PARD3B: variants seen among roughly 807,000 people sequenced by gnomAD.
The protein encoded by PARD3B is par-3 family cell polarity regulator beta, also known as partitioning defective 3 homolog B.
PARD3B carries 103 observed loss-of-function variants against 130.2 expected under a neutral mutation model. That is an observed-to-expected ratio of 0.79 (90% CI 0.67 to 0.93). The LOEUF (loss-of-function observed/expected upper bound fraction) is 0.93. Among genes scored for constraint, PARD3B ranks in the 40% least tolerant of loss-of-function variants. PARD3B has a pLI of 0.00. For synonymous variants in PARD3B, 583 were observed against 553.2 expected, an observed-to-expected ratio of 1.05 and a Z score of -0.76; for missense variants, 1,609 against 1,499.2, an observed-to-expected ratio of 1.07 and a Z score of -1.21.
At chr2:205,508,761 T>A (rs1185810999) in intron 21 of PARD3B, among the ~76,000 whole-genome samples, 1 of 151,916 alleles carries the variant, frequency 6.6e-6, no homozygotes. Context: ...TTGGAAGCAA[T>A]ACCAAGGCAG....
intron 20 of PARD3B, among the ~76,000 whole-genome samples, chr2:205,451,758 A>G (rs1404293268): frequency 1.3e-5 from 2 of 151,820 alleles, no homozygotes; most frequent in African/African-American, 4.8e-5. Context: ...ACAATGCATA[A>G]TAATCACATC....
intron 18 of PARD3B, among the ~76,000 whole-genome samples, chr2:205,391,091 A>G (rs146934101): frequency 0.01 from 1,537 of 152,334 alleles, 11 homozygotes; most frequent in Middle Eastern, 0.024. Context: ...GCTGGGGCCA[A>G]CTGGGCCTGG....
At chr2:204,946,306 C>T (rs1689317651) in intron 2 of PARD3B, among the ~76,000 whole-genome samples, 1 of 152,166 alleles carries the variant, frequency 6.6e-6, no homozygotes, top group African/African-American at 2.4e-5. Flanking sequence ...GTTTCTCATC[C>T]AGCATTACTA....
At chr2:205,422,620 A>G (rs1242344929) in intron 19 of PARD3B, among the ~76,000 whole-genome samples, 1 of 152,220 alleles carries the variant, frequency 6.6e-6, no homozygotes, top group Non-Finnish European at 1.5e-5. Flanking sequence ...GCTAACCACA[A>G]TAAAAAAAAT....
At chr2:204,839,058 T>C (rs1221027213) in intron 2 of PARD3B, among the ~76,000 whole-genome samples, 2 of 152,212 alleles carry the variant, frequency 1.3e-5, no homozygotes, top group African/African-American at 4.8e-5. Flanking sequence ...TTGCCAAATC[T>C]GTAGTTAATT....
At chr2:205,406,760 T>A (rs1299863384) in intron 19 of PARD3B, among the ~76,000 whole-genome samples, 1 of 135,796 alleles carries the variant, frequency 7.4e-6, no homozygotes, top group East Asian at 2.6e-4. Flanking sequence ...AACCTCCACC[T>A]CCCAGGTTCA....
chr2:205,026,952 T>A (rs1429355124), intron 3 of PARD3B, among the ~76,000 whole-genome samples: 1 of 152,172 alleles, frequency 6.6e-6, no homozygotes, highest in Non-Finnish European at 1.5e-5. Context: ...TTATTGTAGG[T>A]GTTATTTACA....
intron 2 of PARD3B, among the ~76,000 whole-genome samples, chr2:204,929,418 C>T (rs768100998): frequency 5.3e-5 from 8 of 152,046 alleles, no homozygotes; most frequent in East Asian, 1.9e-4. Context: ...ATTTATAAAA[C>T]GTCTTAACAT....
intron 3 of PARD3B, among the ~76,000 whole-genome samples, chr2:204,971,102 T>G (rs1691660041): frequency 6.6e-6 from 1 of 152,244 alleles, no homozygotes; most frequent in South Asian, 2.1e-4. Context: ...GTGACCATTT[T>G]CTATCTGATT....
intron 3 of PARD3B, among the ~76,000 whole-genome samples, chr2:205,006,147 C>T (rs1452394240): frequency 6.6e-6 from 1 of 152,176 alleles, no homozygotes; most frequent in Non-Finnish European, 1.5e-5. Context: ...TTATTTCATT[C>T]CTTTTTTATG....
chr2:205,290,054 A>G (rs2041547028), intron 16 of PARD3B, among the ~76,000 whole-genome samples: 1 of 152,232 alleles, frequency 6.6e-6, no homozygotes, highest in Non-Finnish European at 1.5e-5. Context: ...TGCTTGTAAT[A>G]GCAATTGCTT....
At chr2:205,506,507 G>A (rs562363442) in intron 21 of PARD3B, among the ~76,000 whole-genome samples, 1 of 152,278 alleles carries the variant, frequency 6.6e-6, no homozygotes, top group South Asian at 2.1e-4. Flanking sequence ...AACGTACTTG[G>A]CCGCTGATCT....
chr2:205,155,966 T>A (rs1413003552), intron 10 of PARD3B, among the ~76,000 whole-genome samples: 1 of 152,128 alleles, frequency 6.6e-6, no homozygotes, highest in Non-Finnish European at 1.5e-5. Context: ...TGCACACGTA[T>A]GTTTATTGCG....
intron 2 of PARD3B, among the ~76,000 whole-genome samples, chr2:204,884,298 AAG>A (rs1349078996): frequency 3.3e-5 from 5 of 152,208 alleles, no homozygotes; most frequent in Non-Finnish European, 7.3e-5. Flanking sequence ...ACTAAGAAAA[AAG>A]GAAAAGCTTT....
chr2:204,709,890 G>A (rs573420819), intron 2 of PARD3B, among the ~76,000 whole-genome samples: 2 of 152,180 alleles, frequency 1.3e-5, no homozygotes, highest in Non-Finnish European at 2.9e-5. Context: ...GACTTTAAAT[G>A]TTTAAGTGAT....
intron 21 of PARD3B, among the ~76,000 whole-genome samples, chr2:205,515,596 A>C (rs777910470): frequency 7.1e-6 from 1 of 141,530 alleles, no homozygotes; most frequent in Admixed American, 6.8e-5. Context: ...TGTTGGCTGC[A>C]TGTATGTCTT....
Position 205,042,877 on chromosome 2 carries a change from G to GAA in PARD3B, c.395-4692_395-4691dup, listed in dbSNP as rs76777414. On this transcript the variant is annotated intron_variant, in intron 3 of 22. Transcript: ENST00000406610. Reference sequence around the variant, plus strand: ...GGCAACCTCAAATATTTAACTGTGTGAAAAAAAAAAAAACCCAGCAAGCAG... The same window carrying GAA: ...GGCAACCTCAAATATTTAACTGTGTGAAAAAAAAAAAAAAACCCAGCAAGCAG... Among the ~76,000 whole-genome samples the GAA allele has an allele frequency of 2.7e-3, 371 of 137,914 alleles. 1 individual carries two copies. The highest frequency in any genetic ancestry group is 5.1e-3 in the Admixed American group (69 of 13,626). 90.5% of individuals were successfully genotyped at this position (137,914 alleles called of 152,430 possible).
At chr2:205,598,415 TTAAC>T (rs1024136204) in intron 22 of PARD3B, among the ~76,000 whole-genome samples, 10 of 150,326 alleles carry the variant, frequency 6.7e-5, no homozygotes, top group African/African-American at 2.4e-4. Flanking sequence ...ACAAGAACAC[TTAAC>T]TATCTTAAAT....
chr2:205,496,753 T>C (rs2049940350), intron 20 of PARD3B, among the ~76,000 whole-genome samples: 1 of 152,154 alleles, frequency 6.6e-6, no homozygotes, highest in Non-Finnish European at 1.5e-5. Flanking sequence ...GTACAATTTT[T>C]TTTTTCCACC....
Sources: allele counts gnomAD v4.1 joint callset (sites outside exome capture counted in the v4.1 genomes callset), GRCh38; gene constraint gnomAD v4.1.1; transcripts MANE v1.5; gene names NCBI Gene and HGNC (gene_info 2026-07-23, HGNC 2026-07-21).